SLC2A9: variants seen among roughly 807,000 people sequenced by gnomAD.
SLC2A9 encodes solute carrier family 2, facilitated glucose transporter member 9.
Under a neutral mutation model 50.6 loss-of-function variants are expected in SLC2A9, and 39 were observed. The observed-to-expected ratio is 0.77, with a 90% CI of 0.60 to 1.01. SLC2A9 has a LOEUF of 1.01. Among genes scored for constraint, SLC2A9 ranks in the 50% least tolerant of loss-of-function variants. The probability of loss-of-function intolerance (pLI) is 0.00; values close to 1 mark genes in which losing one functional copy is unlikely to be tolerated. For missense variants in SLC2A9, 686 were observed against 677.6 expected (o/e 1.01, Z -0.14); for synonymous variants, 324 against 276.9 (o/e 1.17, Z -1.69).
At chr4:9,879,803 T>G in intron 10 of SLC2A9, 3 of 985,486 alleles carry the variant, frequency 3.0e-6, no homozygotes, top group Non-Finnish European at 3.6e-6. Flanking sequence ...CGATCTTCTT[T>G]TTTTAAAAGG....
chr4:10,035,317 T>C (rs1347070444), intron 1 of SLC2A9: 2 of 152,258 alleles, frequency 1.3e-5, no homozygotes, highest in Non-Finnish European at 2.9e-5. Context: ...ACCCTTGGCC[T>C]GGTGCCAGGC....
intron 8 of SLC2A9, among the ~76,000 whole-genome samples, chr4:9,900,873 G>A (rs1739472390): frequency 6.6e-6 from 1 of 152,140 alleles, no homozygotes. Context: ...CATGAGAACA[G>A]CATGAGGGTA....
At chr4:9,783,218 A>C (rs765105718) in intron 3 of SLC2A9, 2 of 1,614,044 alleles carry the variant, frequency 1.2e-6, no homozygotes, top group East Asian at 2.2e-5. Flanking sequence ...CATCTCCTAC[A>C]ACCAAGACAT....
chr4:10,006,966 C>T (rs1030065283), intron 2 of SLC2A9, among the ~76,000 whole-genome samples: 15 of 152,132 alleles, frequency 9.9e-5, no homozygotes, highest in African/African-American at 3.6e-4. Flanking sequence ...TGTCACAACT[C>T]GTTGCTGTGG....
At chr4:9,976,764 GGA>G (rs1382070723) in intron 5 of SLC2A9, among the ~76,000 whole-genome samples, 2 of 152,192 alleles carry the variant, frequency 1.3e-5, no homozygotes, top group African/African-American at 2.4e-5. Flanking sequence ...CCTGTTCCTG[GGA>G]GAGAGTGTCC....
chr4:9,941,847 C>G, intron 6 of SLC2A9, 66 bp downstream of exon 6: 1 of 1,608,002 alleles, frequency 6.2e-7, no homozygotes, highest in Non-Finnish European at 8.5e-7. Context: ...GCCCAGGTCC[C>G]AGCATGCCTT....
chr4:10,018,554 A>AGAT (rs1560498106), intron 2 of SLC2A9, among the ~76,000 whole-genome samples: 4 of 144,732 alleles, frequency 2.8e-5, no homozygotes, highest in African/African-American at 2.7e-5. Flanking sequence ...GATGATAGAT[A>AGAT]GATAGATAGA....
rs374323994 is a variant in SLC2A9 at position 9,786,746 on chromosome 4, AG to A, written n.386-6682del. On this transcript the variant is annotated intron_variant and non_coding_transcript_variant, in intron 3 of 3. Transcript: ENST00000503803. Reference sequence around the variant, plus strand: ...TCATGGGAAAATTAGTAGAGGAACCAGGGTTCACCCTAGGTCAGTGGTTCTT... The same window carrying A: ...TCATGGGAAAATTAGTAGAGGAACCAGGTTCACCCTAGGTCAGTGGTTCTT... Among the ~76,000 whole-genome samples the A allele has an allele frequency of 3.4e-3, 520 of 152,352 alleles. 1 individual carries two copies. Among genetic ancestry groups the A allele is most frequent in the Middle Eastern group, 0.014 (4 of 294 alleles).
intron 3 of SLC2A9, chr4:9,782,064 CG>C: frequency 6.7e-7 from 1 of 1,493,012 alleles, no homozygotes; most frequent in Admixed American, 2.4e-5. Context: ...ACCGCGTACC[CG>C]GGGCAGTTCG....
At chr4:9,990,740 CGTCCCGAA>C (rs1757560979) in intron 3 of SLC2A9, among the ~76,000 whole-genome samples, 1 of 152,170 alleles carries the variant, frequency 6.6e-6, no homozygotes, top group Non-Finnish European at 1.5e-5. Context: ...GGAACCCTGC[CGTCCCGAA>C]GTCTTCTGGT....
downstream of SLC2A9, among the ~76,000 whole-genome samples, chr4:9,795,386 C>A (rs1720475602): frequency 1.3e-5 from 2 of 152,174 alleles, no homozygotes; most frequent in Admixed American, 1.3e-4. Flanking sequence ...AGTGAGAAAA[C>A]TTGCTTGTAG....
In SLC2A9 at chr4:9,834,903, C is replaced by A; in HGVS notation, c.1397G>T (p.Gly466Val). The change falls in exon 11 of 12, where the codon GGG (glycine) becomes GTG (valine). Residue 466 changes from glycine to valine, a missense_variant. Physicochemically the swap from Gly to Val is moderately radical, Grantham distance 109. Coordinates refer to ENST00000264784, the MANE Select transcript of SLC2A9 (RefSeq NM_020041.3). ...TVNWLSNFAV[G>V]LLFPFIQKSL... ...TACCTGAATGAATGGGAAGAGGAGC[C>A]CAACAGCAAAGTTGGAGAGCCAGTT... The A allele has an allele frequency of 1.2e-6, 2 of 1,614,104 alleles. No homozygotes were observed. The highest frequency in any genetic ancestry group is 1.7e-6 in the Non-Finnish European group (2 of 1,180,028).
At chr4:9,884,577 TG>T (rs1215374168) in intron 10 of SLC2A9, among the ~76,000 whole-genome samples, 1 of 152,152 alleles carries the variant, frequency 6.6e-6, no homozygotes, top group African/African-American at 2.4e-5. Context: ...GGAGAATGTA[TG>T]TGATAATAGA....
chr4:9,897,912 A>C (rs1738864224), intron 8 of SLC2A9, among the ~76,000 whole-genome samples: 1 of 152,074 alleles, frequency 6.6e-6, no homozygotes, highest in African/African-American at 2.4e-5. Context: ...AAAACCAAAA[A>C]CAAAAAAAGA....
At chr4:10,006,326 G>A (rs549810686) in intron 2 of SLC2A9, among the ~76,000 whole-genome samples, 5 of 152,284 alleles carry the variant, frequency 3.3e-5, no homozygotes, top group Admixed American at 2.6e-4. Context: ...AGAGCCTCCC[G>A]TGAACTCACT....
intron 10 of SLC2A9, among the ~76,000 whole-genome samples, chr4:9,850,891 C>T (rs1039515579): frequency 3.3e-5 from 5 of 152,248 alleles, no homozygotes; most frequent in Non-Finnish European, 7.4e-5. Flanking sequence ...AGCATGAATG[C>T]ACAAATGGAC....
chr4:9,952,536 CTT>C (rs756143497), intron 5 of SLC2A9, among the ~76,000 whole-genome samples: 23 of 69,492 alleles, frequency 3.3e-4, no homozygotes, highest in African/African-American at 1.1e-3. Flanking sequence ...ATCTGTCTGT[CTT>C]TTTTTTTTTT....
At chr4:9,935,928 G>A (rs998592071) in intron 6 of SLC2A9, among the ~76,000 whole-genome samples, 1 of 152,180 alleles carries the variant, frequency 6.6e-6, no homozygotes, top group Non-Finnish European at 1.5e-5. Context: ...TGGGTTAAGG[G>A]ATTTTTGGGA....
At chr4:9,825,367 T>A (rs377469378), downstream of SLC2A9, among the ~76,000 whole-genome samples, 14 of 152,310 alleles carry the variant, frequency 9.2e-5, no homozygotes, top group East Asian at 9.7e-4. Flanking sequence ...AGATGAGTAA[T>A]CACCCAGTCT....
Sources: gnomAD v4.1 joint callset for allele counts (sites outside exome capture counted in the v4.1 genomes callset) on GRCh38, gnomAD v4.1.1 for gene constraint, MANE v1.5 for transcripts, NCBI Gene and HGNC (gene_info 2026-07-23, HGNC 2026-07-21) for gene names.